ZZEF1: variants seen among roughly 807,000 people sequenced by gnomAD.
The protein encoded by ZZEF1 is zinc finger ZZ-type and EF-hand domain-containing protein 1.
Under a neutral mutation model 342.8 loss-of-function variants are expected in ZZEF1, and 157 were observed. That is an observed-to-expected ratio of 0.46 (90% CI 0.40 to 0.52). The LOEUF (loss-of-function observed/expected upper bound fraction) is 0.52. ZZEF1 is among the 20% of genes least tolerant of loss of function. The pLI is 0.00. For synonymous variants in ZZEF1, 1,505 were observed against 1,429.1 expected (o/e 1.05, Z -1.20); for missense variants, 3,480 against 3,725.6 (o/e 0.93, Z 1.72).
Position 4,117,057 on chromosome 17 carries a change from C to G in ZZEF1, c.609G>C (p.Pro203=), listed in dbSNP as rs142219955. The G allele has an allele frequency of 1.2e-6, 2 of 1,613,958 alleles. No individual in the cohort carries two copies. Among genetic ancestry groups the G allele is most frequent in the African/African-American group, 1.3e-5 (1 of 74,914 alleles). The change falls in exon 3 of 55, where the codon CCG becomes CCC. Residue 203 remains proline, a synonymous_variant. Transcript: ENST00000381638. ...ACATGTTATTGCAGTGCTCCAGCAT[C>G]GGGTAGGGCATCACCGCGCTGGAGA... is the stretch of plus-strand genomic sequence containing the variant. The part of the protein sequence containing the change: ...NRLSSAVMPY[P]MLEHCNNMCT...
intron 1 of ZZEF1, among the ~76,000 whole-genome samples, chr17:4,136,189 C>A (rs2058745074): frequency 6.7e-6 from 1 of 150,296 alleles, no homozygotes; most frequent in Non-Finnish European, 1.5e-5. Context: ...ACTAAAAATA[C>A]AGAAATTAGC....
chr17:4,022,932 T>C, intron 43 of ZZEF1, 104 bp from the exon 44 acceptor site: 1 of 1,446,818 alleles, frequency 6.9e-7, no homozygotes, highest in Non-Finnish European at 9.4e-7. Flanking sequence ...CATTCGTCCA[T>C]TCAACACATA....
chr17:4,142,712 C>A lies in ZZEF1; in HGVS notation c.184G>T (p.Ala62Ser), dbSNP rs764623154. ...TCGCAGGGGGGTGTGGGCAGCAACG[C>A]TGCAGCAGCCTCTCGCAGCCTGGCC... ...EPARLREAAA[A>S]LLPTPPCESL... The change falls in exon 1 of 55, where the codon GCG (alanine) becomes TCG (serine). Residue 62 changes from alanine (A) to serine (S), a missense_variant. By Grantham distance (99) the Ala-to-Ser change is moderately conservative. Around this residue, in one of 5 missense-constraint regions of ZZEF1, gnomAD observed 416 missense variants for 374.2 expected, o/e 1.11. Transcript: ENST00000381638. 1.9e-6 allele frequency: 3 copies of A among 1,582,834 alleles called. No individual in the cohort carries two copies. In the African/African-American group the frequency reaches 4.1e-5, roughly 22 times the overall value.
intron 26 of ZZEF1, among the ~76,000 whole-genome samples, chr17:4,068,438 C>T (rs1180768797): frequency 1.3e-5 from 2 of 152,152 alleles, no homozygotes; most frequent in Non-Finnish European, 2.9e-5. Context: ...AGGCACCTGC[C>T]ACCACACCTG....
rs929691440 is a variant in ZZEF1 at position 4,086,763 on chromosome 17, A to C, written c.2343-108T>G. The C allele has an allele frequency of 9.4e-6, 10 of 1,063,540 alleles. 1 individual carries two copies. In the African/African-American group the frequency reaches 1.4e-4, roughly 15 times the overall value. 65.9% of individuals were successfully genotyped at this position (1,063,540 alleles called of 1,614,324 possible). ...TTTCCTCTAGGCATCAGGCTCGATG[A>C]AAATAATGCCAACTGATGCAAACTG... is the stretch of plus-strand genomic sequence containing the variant. On this transcript the variant is annotated intron_variant, in intron 14 of 54. Coordinates refer to ENST00000381638, the MANE Select transcript of ZZEF1 (RefSeq NM_015113.4).
intron 3 of ZZEF1, among the ~76,000 whole-genome samples, chr17:4,114,772 C>A (rs942354934): frequency 1.3e-5 from 2 of 152,102 alleles, no homozygotes; most frequent in African/African-American, 2.4e-5. Context: ...TCTATCAGTG[C>A]AATTCTTTAA....
At chr17:4,086,079 G>A (rs532866608) in intron 15 of ZZEF1, among the ~76,000 whole-genome samples, 2 of 152,146 alleles carry the variant, frequency 1.3e-5, no homozygotes, top group East Asian at 1.9e-4. Context: ...AGAAGCCCAC[G>A]TGTTTCACTC....
chr17:4,105,399 G>A (rs16953711), intron 7 of ZZEF1, among the ~76,000 whole-genome samples: 1 of 152,132 alleles, frequency 6.6e-6, no homozygotes, highest in Non-Finnish European at 1.5e-5. Flanking sequence ...TTCTGAGTGA[G>A]GGAAGGCTAT....
Position 4,017,193 on chromosome 17 carries a change from C to A in ZZEF1, c.8001+178G>T. 1.2e-6 allele frequency: 1 copy of A among 855,464 alleles called. No homozygotes were observed. Among genetic ancestry groups the A allele is most frequent in the South Asian group, 2.1e-5 (1 of 47,930 alleles). 53.0% of individuals were successfully genotyped at this position (855,464 alleles called of 1,614,324 possible). On this transcript the variant is annotated intron_variant, in intron 48 of 54. Transcript: ENST00000381638. The surrounding 1 kb of genome is among the most constrained non-coding windows in gnomAD (Gnocchi z 5.1). ...AAATCGCGCTCAGGGCCCCTGAGTT[C>A]CTCACTAGCCCAATCCTTGGGAGAG...
intron 39 of ZZEF1, among the ~76,000 whole-genome samples, chr17:4,036,489 C>T (rs1302637004): frequency 6.6e-6 from 1 of 152,046 alleles, no homozygotes; most frequent in Non-Finnish European, 1.5e-5. Flanking sequence ...AATCCCAGCA[C>T]TTTGGGAGGC....
chr17:4,025,009 C>T lies in ZZEF1; in HGVS notation c.7002G>A (p.Leu2334=), dbSNP rs1283634109. The T allele has an allele frequency of 6.2e-7, 1 of 1,614,208 alleles. No homozygotes were observed. Among genetic ancestry groups the T allele is most frequent in the East Asian group, 2.2e-5 (1 of 44,884 alleles). Residue 2334 remains leucine, a synonymous_variant, in exon 43 of 55, where the codon CTG becomes CTA. Transcript: ENST00000381638. The part of the protein sequence containing the change: ...QHFAFIASHL[L]QSSMDSHCPE... ...GACAATGGCTGTCCATGCTGCTTTG[C>T]AGAAGGTGACTGGCGATAAAGGCAA...
intron 1 of ZZEF1, among the ~76,000 whole-genome samples, chr17:4,130,094 C>A (rs1180353873): frequency 2.6e-5 from 4 of 152,044 alleles, no homozygotes; most frequent in East Asian, 3.9e-4. Context: ...ACAACCAACC[C>A]CCATGAGATG....
intron 1 of ZZEF1, among the ~76,000 whole-genome samples, chr17:4,129,852 G>A (rs544778465): frequency 1.3e-5 from 2 of 152,312 alleles, no homozygotes; most frequent in Admixed American, 6.5e-5. Flanking sequence ...ACAAGATCAT[G>A]TCTTTTGTGG....
intron 5 of ZZEF1, 139 bp downstream of exon 5, chr17:4,112,470 T>A (rs1241261502): frequency 2.2e-6 from 2 of 913,812 alleles, no homozygotes; most frequent in Non-Finnish European, 3.4e-6. Context: ...TCTACAACAC[T>A]TAATGAATGA....
At chr17:4,103,910 A>G (rs1384394576) in intron 8 of ZZEF1, among the ~76,000 whole-genome samples, 1 of 152,142 alleles carries the variant, frequency 6.6e-6, no homozygotes, top group African/African-American at 2.4e-5. Context: ...ACACAGCAAG[A>G]CACTCTCTCT....
rs146613881 is a variant in ZZEF1, at chr17:4,075,382, C to T, written c.3282G>A (p.Thr1094=). ...WQQEQPVVLH[T]WTKESAHNYE... ...AGTTGTGGGCAGATTCCTTCGTCCA[C>T]GTATGTAACACCACAGGCTGTTCCT... The change falls in exon 22 of 55, where the codon ACG becomes ACA. Residue 1094 remains threonine (T), a synonymous_variant. Coordinates refer to ENST00000381638, the MANE Select transcript of ZZEF1 (RefSeq NM_015113.4). 6.2e-6 allele frequency: 10 copies of T among 1,614,114 alleles called. No homozygotes were observed. Among genetic ancestry groups the T allele is most frequent in the South Asian group, 1.1e-5 (1 of 91,090 alleles).
intron 1 of ZZEF1, among the ~76,000 whole-genome samples, chr17:4,124,830 C>A (rs923509216): frequency 2.6e-5 from 4 of 152,072 alleles, no homozygotes; most frequent in African/African-American, 9.7e-5. Context: ...TTTCACTAAC[C>A]TTTAATTGTA....
intron 42 of ZZEF1, among the ~76,000 whole-genome samples, chr17:4,031,571 G>A (rs1219427502): frequency 1.3e-5 from 2 of 152,134 alleles, no homozygotes; most frequent in African/African-American, 4.8e-5. Context: ...CACGAAAACA[G>A]CACAGACACT....
At position 4,044,316 on chromosome 17, in the gene ZZEF1, G is replaced by A; in HGVS notation, c.6074C>T (p.Ala2025Val). ...RPVDFKQRNK[A>V]DKGVSLSKDP... ...CTTCGATAATGATACACCTTTATCTGCCTTATTTCTCTGCTTGAAATCTAC... is the reference window on the plus strand; with the variant it reads ...CTTCGATAATGATACACCTTTATCTACCTTATTTCTCTGCTTGAAATCTAC... The change falls in exon 38 of 55, where the codon GCA becomes GTA. Residue 2025 changes from alanine (A) to valine (V), a missense_variant. This residue lies in a region of ZZEF1 where 1,269 missense variants were observed against 1,342.4 expected (regional missense o/e 0.95). Coordinates refer to ENST00000381638, the MANE Select transcript of ZZEF1 (RefSeq NM_015113.4). 6.2e-7 allele frequency: 1 copy of A among 1,614,014 alleles called. No homozygotes were observed. The highest frequency in any genetic ancestry group is 1.3e-5 in the African/African-American group (1 of 75,024).
Sources: allele counts gnomAD v4.1 joint callset (sites outside exome capture counted in the v4.1 genomes callset), GRCh38; gene constraint gnomAD v4.1.1; regional missense constraint gnomAD v4.1.1; non-coding constraint Gnocchi (gnomAD v3.1); transcripts MANE v1.5; gene names NCBI Gene and HGNC (gene_info 2026-07-23, HGNC 2026-07-21).